KIRREL3: variants seen among roughly 807,000 people sequenced by gnomAD.
KIRREL3 encodes the protein kin of IRRE-like protein 3.
KIRREL3 carries 36 observed loss-of-function variants against 89.7 expected under a neutral mutation model. That is an observed-to-expected ratio of 0.40 (90% CI 0.31 to 0.53). The LOEUF (loss-of-function observed/expected upper bound fraction) is 0.53. Ranked by LOEUF, KIRREL3 falls within the 20% of genes least tolerant of loss-of-function variation. KIRREL3 has a pLI of 0.49. For synonymous variants in KIRREL3, 445 were observed against 441.4 expected, an observed-to-expected ratio of 1.01 and a Z score of -0.10; for missense variants, 864 against 1,056.6, an observed-to-expected ratio of 0.82 and a Z score of 2.53.
At position 126,742,222 on chromosome 11, in the gene KIRREL3, T is replaced by C. The variant is rs1949008865; in HGVS notation, c.56-179310A>G. Among the ~76,000 whole-genome samples, 1 of 152,232 alleles carries C rather than the reference T, an allele frequency of 6.6e-6. No individual in the cohort carries two copies. The highest frequency in any genetic ancestry group is 1.5e-5 in the Non-Finnish European group (1 of 68,048). Reference sequence around the variant, plus strand: ...GAACAATATTATGATGGGTTCAGTGTAAATGACTCAAAAACATATGGATGG... The same window carrying C: ...GAACAATATTATGATGGGTTCAGTGCAAATGACTCAAAAACATATGGATGG... On this transcript the variant is annotated intron_variant, in intron 1 of 16. Coordinates refer to ENST00000525144, the MANE Select transcript of KIRREL3 (RefSeq NM_032531.4). This position sits in a 1 kb window ranked among gnomAD's most constrained non-coding sequence, Gnocchi z 5.3.
At chr11:126,637,420 C>T (rs887812194) in intron 1 of KIRREL3, among the ~76,000 whole-genome samples, 96 of 152,298 alleles carry the variant, frequency 6.3e-4, no homozygotes, top group Non-Finnish European at 1.1e-3. Context: ...AGACGTTGTG[C>T]TTCCTGCTTA....
In KIRREL3 at chr11:126,905,726, ATTG is replaced by A. The variant is rs2088215442; in HGVS notation, c.55+94726_55+94728del. Reference sequence around the variant, plus strand: ...ACACCAGAGACCTATGTGAGATGGAATTGTTGTGTACCGCCACAGCCTGACAAC... The same window carrying A: ...ACACCAGAGACCTATGTGAGATGGAATTGTGTACCGCCACAGCCTGACAAC... On this transcript the variant is annotated intron_variant, in intron 1 of 16. Transcript: ENST00000525144. The surrounding 1 kb of genome is among the most constrained non-coding windows in gnomAD (Gnocchi z 5.0). 6.6e-6 allele frequency among the ~76,000 whole-genome samples: 1 copy of A among 152,084 alleles called. No individual in the cohort carries two copies. Among genetic ancestry groups the A allele is most frequent in the African/African-American group, 2.4e-5 (1 of 41,424 alleles).
Position 126,436,847 on chromosome 11 carries a change from C to T in KIRREL3, c.1516G>A (p.Gly506Ser), listed in dbSNP as rs1955361582. The part of the protein sequence containing the change: ...IYNCTAWNSF[G>S]SDTEIIRLKE... Reference sequence around the variant, plus strand: ...AGCCGGATGATCTCAGTGTCGGAGCCGAAGCTGTTCCAGGCCGTGCAGTTG... The same window carrying T: ...AGCCGGATGATCTCAGTGTCGGAGCTGAAGCTGTTCCAGGCCGTGCAGTTG... The change falls in exon 12 of 17, where the codon GGC (glycine) becomes AGC (serine). Residue 506 changes from glycine (G) to serine (S), a missense_variant. Physicochemically the swap from Gly to Ser is moderately conservative, Grantham distance 56. Coordinates refer to ENST00000525144, the MANE Select transcript of KIRREL3 (RefSeq NM_032531.4). The T allele has an allele frequency of 2.5e-6, 4 of 1,613,698 alleles. No individual in the cohort carries two copies. Among genetic ancestry groups the T allele is most frequent in the East Asian group, 2.2e-5 (1 of 44,886 alleles).
chr11:126,548,449 G>A (rs766359738), intron 2 of KIRREL3, among the ~76,000 whole-genome samples: 8 of 152,188 alleles, frequency 5.3e-5, no homozygotes, highest in Non-Finnish European at 1.2e-4. Flanking sequence ...TGCCCTACAG[G>A]AGCTGGTGCA....
chr11:126,732,222 T>C (rs905513900), intron 1 of KIRREL3, among the ~76,000 whole-genome samples: 1 of 152,380 alleles, frequency 6.6e-6, no homozygotes, highest in African/African-American at 2.4e-5. Context: ...AGCGATAGAG[T>C]AATTAATAGG....
Position 126,601,998 on chromosome 11 carries a change from G to C in KIRREL3, c.56-39086C>G, listed in dbSNP as rs1008435311. On this transcript the variant is annotated intron_variant, in intron 1 of 16. Coordinates refer to ENST00000525144, the MANE Select transcript of KIRREL3 (RefSeq NM_032531.4). The surrounding 1 kb of genome is among the most constrained non-coding windows in gnomAD (Gnocchi z 5.8). ...CAGAGTCACAGAAGCTGACCGCTGCGAGGCAGGGGCTGCGGCCTTTTCCCG... is the reference window on the plus strand; with the variant it reads ...CAGAGTCACAGAAGCTGACCGCTGCCAGGCAGGGGCTGCGGCCTTTTCCCG... 6.6e-6 allele frequency among the ~76,000 whole-genome samples: 1 copy of C among 152,176 alleles called. No homozygotes were observed.
At position 126,490,258 on chromosome 11, in the gene KIRREL3, T is replaced by C. The variant is rs1957476629; in HGVS notation, c.434-16792A>G. ...GGGGGCGGGGGAGGCAAGGCAGCTTTACTTTCTGTGTATGTTTATTTTAGA... is the reference window on the plus strand; with the variant it reads ...GGGGGCGGGGGAGGCAAGGCAGCTTCACTTTCTGTGTATGTTTATTTTAGA... On this transcript the variant is annotated intron_variant, in intron 4 of 16. Coordinates refer to ENST00000525144, the MANE Select transcript of KIRREL3 (RefSeq NM_032531.4). The surrounding 1 kb of genome is among the most constrained non-coding windows in gnomAD (Gnocchi z 4.2). Among the ~76,000 whole-genome samples, 1 of 152,030 alleles carries C rather than the reference T, an allele frequency of 6.6e-6. No individual in the cohort carries two copies. Among genetic ancestry groups the C allele is most frequent in the Admixed American group, 6.6e-5 (1 of 15,256 alleles).
chr11:126,562,715 C>T lies in KIRREL3; in HGVS notation c.133+120G>A, dbSNP rs1940218515. ...GCTTCATGGAAACCAAACTGGTCTT[C>T]CCACTGTCCCCTTCTGAGAGGTCCC... On this transcript the variant is annotated intron_variant, in intron 2 of 16. Coordinates refer to ENST00000525144, the MANE Select transcript of KIRREL3 (RefSeq NM_032531.4). This position sits in a 1 kb window ranked among gnomAD's most constrained non-coding sequence, Gnocchi z 4.7. 1 of 727,770 alleles carries T rather than the reference C, an allele frequency of 1.4e-6. No homozygotes were observed. The highest frequency in any genetic ancestry group is 2.3e-6 in the Non-Finnish European group (1 of 438,266). 45.1% of individuals were successfully genotyped at this position (727,770 alleles called of 1,614,324 possible).
At position 126,955,917 on chromosome 11, in the gene KIRREL3, T is replaced by C. The variant is rs2135162870; in HGVS notation, c.55+44538A>G. Among the ~76,000 whole-genome samples the C allele has an allele frequency of 6.6e-6, 1 of 152,224 alleles. No individual in the cohort carries two copies. The highest frequency in any genetic ancestry group is 2.4e-5 in the African/African-American group (1 of 41,538). Reference sequence around the variant, plus strand: ...TTCTTAAGTATTTTTAATATTACCCTGGAAACATGAATTGAATTACACAAC... The same window carrying C: ...TTCTTAAGTATTTTTAATATTACCCCGGAAACATGAATTGAATTACACAAC... On this transcript the variant is annotated intron_variant, in intron 1 of 16. Transcript: ENST00000525144. The surrounding 1 kb of genome is among the most constrained non-coding windows in gnomAD (Gnocchi z 4.6).
intron 1 of KIRREL3, among the ~76,000 whole-genome samples, chr11:126,706,005 A>C (rs1387607158): frequency 6.6e-6 from 1 of 152,232 alleles, no homozygotes; most frequent in Non-Finnish European, 1.5e-5. Flanking sequence ...GGCCAAAAAC[A>C]TAAGTCAAGC....
intron 1 of KIRREL3, among the ~76,000 whole-genome samples, chr11:126,938,282 ACAG>A (rs1669484607): frequency 6.6e-6 from 1 of 152,250 alleles, no homozygotes. Flanking sequence ...AGAGTTAATA[ACAG>A]CCACAACCAC....
chr11:126,646,075 A>G lies in KIRREL3; in HGVS notation c.56-83163T>C, dbSNP rs553828356. On this transcript the variant is annotated intron_variant, in intron 1 of 16. Transcript: ENST00000525144. ...TTTATTAAAATAATAATACTCAGCAAGGCAATAATGCTTTACAGCCGGCAG... is the reference window on the plus strand; with the variant it reads ...TTTATTAAAATAATAATACTCAGCAGGGCAATAATGCTTTACAGCCGGCAG... Among the ~76,000 whole-genome samples, 16 of 152,230 alleles carry G rather than the reference A, an allele frequency of 1.1e-4. 1 individual carries two copies. In the South Asian group the frequency reaches 2.7e-3, roughly 26 times the overall value.
rs569517819 is a variant in KIRREL3, at chr11:126,687,662, A to T, written c.56-124750T>A. ...ATATTTTTCCCCATTGCTTCATTCA[A>T]CAAATTTACATTGCACTCTCCTACA... On this transcript the variant is annotated intron_variant, in intron 1 of 16. Transcript: ENST00000525144. This position sits in a 1 kb window ranked among gnomAD's most constrained non-coding sequence, Gnocchi z 4.6. Among the ~76,000 whole-genome samples the T allele has an allele frequency of 4.6e-4, 70 of 152,340 alleles. No individual in the cohort carries two copies. The highest frequency in any genetic ancestry group is 1.7e-3 in the African/African-American group (69 of 41,582).
Position 126,525,007 on chromosome 11 carries a change from G to C in KIRREL3, c.283+1531C>G, listed in dbSNP as rs1027659149. Among the ~76,000 whole-genome samples the C allele has an allele frequency of 6.6e-6, 1 of 152,262 alleles. No homozygotes were observed. On this transcript the variant is annotated intron_variant, in intron 3 of 16. Coordinates refer to ENST00000525144, the MANE Select transcript of KIRREL3 (RefSeq NM_032531.4). This position sits in a 1 kb window ranked among gnomAD's most constrained non-coding sequence, Gnocchi z 5.4. Reference sequence around the variant, plus strand: ...AGGCAAACCGAGTCAAGCTGGAGAGGACACAGGCCCCAGTTTGTCAGAGGC... The same window carrying C: ...AGGCAAACCGAGTCAAGCTGGAGAGCACACAGGCCCCAGTTTGTCAGAGGC...
intron 4 of KIRREL3, among the ~76,000 whole-genome samples, chr11:126,506,089 G>A (rs12279603): frequency 0.043 from 6,523 of 152,164 alleles, 298 homozygotes; most frequent in African/African-American, 0.12. Flanking sequence ...TGAATTTAGG[G>A]CCTTCACAAA....
chr11:126,594,649 C>G lies in KIRREL3; in HGVS notation c.56-31737G>C, dbSNP rs184822334. On this transcript the variant is annotated intron_variant, in intron 1 of 16. Coordinates refer to ENST00000525144, the MANE Select transcript of KIRREL3 (RefSeq NM_032531.4). This position sits in a 1 kb window ranked among gnomAD's most constrained non-coding sequence, Gnocchi z 5.0. ...GGTGCCTTTAAGAGTGCAATGAGGC[C>G]GCAGCAGAAACTATCTCTAAGGCCA... Among the ~76,000 whole-genome samples the G allele has an allele frequency of 6.6e-6, 1 of 152,072 alleles. No homozygotes were observed. The highest frequency in any genetic ancestry group is 2.4e-5 in the African/African-American group (1 of 41,376).
chr11:126,619,063 G>T (rs1472525573), intron 1 of KIRREL3, among the ~76,000 whole-genome samples: 1 of 152,236 alleles, frequency 6.6e-6, no homozygotes, highest in African/African-American at 2.4e-5. Context: ...AGAGTTTCAG[G>T]TGCTGATAAA....
chr11:126,998,983 A>G (rs758148584), intron 1 of KIRREL3, among the ~76,000 whole-genome samples: 1 of 144,694 alleles, frequency 6.9e-6, no homozygotes, highest in Non-Finnish European at 1.5e-5. Context: ...ATACACATCC[A>G]AGAAAGAGGG....
Position 126,830,102 on chromosome 11 carries a change from G to T in KIRREL3, c.55+170353C>A, listed in dbSNP as rs1252514165. Reference sequence around the variant, plus strand: ...TTAAACCTTTGGTTGCCTTGCAAAAGAAAAAAAACCCATCCCCTTACTGCT... The same window carrying T: ...TTAAACCTTTGGTTGCCTTGCAAAATAAAAAAAACCCATCCCCTTACTGCT... On this transcript the variant is annotated intron_variant, in intron 1 of 16. Transcript: ENST00000525144. The surrounding 1 kb of genome is among the most constrained non-coding windows in gnomAD (Gnocchi z 4.9). 6.6e-6 allele frequency among the ~76,000 whole-genome samples: 1 copy of T among 151,752 alleles called. No individual in the cohort carries two copies. Among genetic ancestry groups the T allele is most frequent in the Non-Finnish European group, 1.5e-5 (1 of 67,916 alleles).
Sources: allele counts gnomAD v4.1 joint callset (sites outside exome capture counted in the v4.1 genomes callset), GRCh38; gene constraint gnomAD v4.1.1; non-coding constraint Gnocchi (gnomAD v3.1); transcripts MANE v1.5; gene names NCBI Gene and HGNC (gene_info 2026-07-23, HGNC 2026-07-21).